The following EPAS1 variants were observed in gnomAD, a reference collection of about 807,000 sequenced individuals.
The protein encoded by EPAS1 is endothelial PAS domain-containing protein 1.
In EPAS1, 23 loss-of-function variants were observed where a neutral mutation model predicts 87.9. The ratio of observed to expected loss-of-function variants is 0.26; its 90% confidence interval spans 0.19 to 0.37. The LOEUF is 0.37. EPAS1 is among the 10% of genes least tolerant of loss of function. The pLI, the probability that EPAS1 is intolerant of heterozygous loss-of-function variation, is 1.00. For missense variants in EPAS1, 1,138 were observed against 1,120.7 expected, an observed-to-expected ratio of 1.02 and a Z score of -0.22; for synonymous variants, 508 against 444.3, an observed-to-expected ratio of 1.14 and a Z score of -1.80.
rs1331028410 is a variant in EPAS1, at chr2:46,346,055, G to T, written c.27-818G>T. 6.6e-6 allele frequency among the ~76,000 whole-genome samples: 1 copy of T among 152,186 alleles called. No individual in the cohort carries two copies. The highest frequency in any genetic ancestry group is 1.5e-5 in the Non-Finnish European group (1 of 68,028). ...TTAGAACTCCAATCTAAACATTCTG[G>T]CTTTTAAATATTGCCCGTGCTAGAA... On this transcript the variant is annotated intron_variant, in intron 1 of 15. Coordinates refer to ENST00000263734, the MANE Select transcript of EPAS1 (RefSeq NM_001430.5). This position sits in a 1 kb window ranked among gnomAD's most constrained non-coding sequence, Gnocchi z 4.0.
At chr2:46,376,225 G>A (rs1177966135) in intron 8 of EPAS1, among the ~76,000 whole-genome samples, 1 of 152,128 alleles carries the variant, frequency 6.6e-6, no homozygotes, top group African/African-American at 2.4e-5. Context: ...GAAAGCTAGA[G>A]GAAGTCATTT....
intron 1 of EPAS1, among the ~76,000 whole-genome samples, chr2:46,306,395 A>G (rs1683109371): frequency 6.6e-6 from 1 of 152,138 alleles, no homozygotes; most frequent in Admixed American, 6.5e-5. Flanking sequence ...CTGAAGTAAA[A>G]CCTAGAAGTG....
chr2:46,352,136 C>A (rs1039105521), intron 2 of EPAS1, among the ~76,000 whole-genome samples: 1 of 152,120 alleles, frequency 6.6e-6, no homozygotes, highest in African/African-American at 2.4e-5. Flanking sequence ...GGGGTCAGAC[C>A]CTGAAGGGTC....
intron 1 of EPAS1, among the ~76,000 whole-genome samples, chr2:46,319,212 G>A (rs149995880): frequency 2.3e-3 from 351 of 152,362 alleles, no homozygotes; most frequent in Non-Finnish European, 4.4e-3. Context: ...AGGCTGCAAT[G>A]ATGACAGCTT....
At chr2:46,341,510 CAT>C (rs1258714083) in intron 1 of EPAS1, among the ~76,000 whole-genome samples, 1 of 152,244 alleles carries the variant, frequency 6.6e-6, no homozygotes, top group African/African-American at 2.4e-5. Flanking sequence ...ATCTATTTCA[CAT>C]GTCTCATTAT....
chr2:46,300,928 C>G lies in EPAS1; in HGVS notation c.26+2991C>G, dbSNP rs765778136. The stretch of plus-strand genomic sequence containing the variant: ...AAATCAAACTCCATCATTATTCCAA[C>G]TCTGAAGGGAAAAAATATTGCTGGA... On this transcript the variant is annotated intron_variant, in intron 1 of 15. Coordinates refer to ENST00000263734, the MANE Select transcript of EPAS1 (RefSeq NM_001430.5). This position sits in a 1 kb window ranked among gnomAD's most constrained non-coding sequence, Gnocchi z 4.1. Among the ~76,000 whole-genome samples the G allele has an allele frequency of 6.6e-6, 1 of 152,182 alleles. No homozygotes were observed.
intron 1 of EPAS1, among the ~76,000 whole-genome samples, chr2:46,306,334 C>T (rs1683108872): frequency 6.6e-6 from 1 of 152,174 alleles, no homozygotes; most frequent in Non-Finnish European, 1.5e-5. Context: ...GCATGCTTTC[C>T]TTCCTTTATA....
chr2:46,319,992 G>C (rs1683422477), intron 1 of EPAS1, among the ~76,000 whole-genome samples: 1 of 152,154 alleles, frequency 6.6e-6, no homozygotes, highest in South Asian at 2.1e-4. Context: ...CAGAATGCGA[G>C]GATTTTTGCC....
chr2:46,384,320 C>G (rs907154662), intron 15 of EPAS1, among the ~76,000 whole-genome samples, 189 bp from the exon 16 acceptor site: 6 of 152,126 alleles, frequency 3.9e-5, no homozygotes, highest in African/African-American at 1.4e-4. Context: ...TCTCAGCACC[C>G]CACCTGAGGC....
At chr2:46,309,937 A>C (rs1247915450) in intron 1 of EPAS1, among the ~76,000 whole-genome samples, 1 of 152,228 alleles carries the variant, frequency 6.6e-6, no homozygotes, top group African/African-American at 2.4e-5. Context: ...GCCTAGCTCT[A>C]GTGTGAGCAT....
In EPAS1 at chr2:46,375,559, C is replaced by T; in HGVS notation, c.887-131C>T. 8.9e-7 allele frequency: 1 copy of T among 1,119,456 alleles called. No individual in the cohort carries two copies. The highest frequency in any genetic ancestry group is 1.3e-6 in the Non-Finnish European group (1 of 761,096). 69.3% of individuals were successfully genotyped at this position (1,119,456 alleles called of 1,614,324 possible). A position where few individuals can be genotyped will look rare whatever the true frequency, so the allele number is the denominator to read the frequency against. On this transcript the variant is annotated intron_variant, in intron 7 of 15. Transcript: ENST00000263734. The surrounding 1 kb of genome is among the most constrained non-coding windows in gnomAD (Gnocchi z 4.1). ...TCCCTCCCAGGTCACTCTCCCTGGT[C>T]CTCACTGTCGTGGCGCCCTGTTCTG...
intron 1 of EPAS1, among the ~76,000 whole-genome samples, chr2:46,314,389 A>G (rs2104844327): frequency 6.6e-6 from 1 of 152,326 alleles, no homozygotes; most frequent in South Asian, 2.1e-4. Context: ...ACCTCCACAG[A>G]TGCCAAAGGG....
Position 46,380,523 on chromosome 2 carries a change from G to T in EPAS1, c.1851G>T (p.Leu617=). The T allele has an allele frequency of 6.2e-7, 1 of 1,614,136 alleles. No individual in the cohort carries two copies. ...TTGATGCCGGAAGCAAAGCATCCCT[G>T]CCACCGTGCTGTGGCCAGGCCAGCA... ...IFFDAGSKAS[L]PPCCGQASTP... is the part of the protein sequence containing the mutation. Residue 617 remains leucine (L), a synonymous_variant, in exon 12 of 16, where the codon CTG becomes CTT. Transcript: ENST00000263734. The surrounding 1 kb of genome is among the most constrained non-coding windows in gnomAD (Gnocchi z 4.4).
chr2:46,298,252 G>T (rs1867787), intron 1 of EPAS1, among the ~76,000 whole-genome samples: 2 of 152,054 alleles, frequency 1.3e-5, no homozygotes, highest in African/African-American at 4.8e-5. Context: ...CCGCCCCGCA[G>T]CAGATTACCG....
chr2:46,332,431 C>T (rs1683703971), intron 1 of EPAS1, among the ~76,000 whole-genome samples: 1 of 151,966 alleles, frequency 6.6e-6, no homozygotes, highest in Non-Finnish European at 1.5e-5. Context: ...GACGGGACCT[C>T]AGTAGCAGAG....
intron 6 of EPAS1, among the ~76,000 whole-genome samples, chr2:46,365,088 A>G (rs1684473504): frequency 1.3e-5 from 2 of 152,230 alleles, no homozygotes; most frequent in South Asian, 4.1e-4. Flanking sequence ...GAAAGAGGTA[A>G]CTGTGAAGGA....
At chr2:46,336,008 C>T (rs1262816646) in intron 1 of EPAS1, 9 of 152,146 alleles carry the variant, frequency 5.9e-5, no homozygotes. Flanking sequence ...GGGAAGGAGC[C>T]TTCCCGATGC....
chr2:46,332,273 GAAA>G (rs10566727), intron 1 of EPAS1, among the ~76,000 whole-genome samples: 2 of 135,712 alleles, frequency 1.5e-5, no homozygotes, highest in African/African-American at 5.6e-5. Context: ...GTGTTTCACA[GAAA>G]AAAAAAAAAA....
Position 46,347,251 on chromosome 2 carries a change from C to G in EPAS1, c.217+188C>G, listed in dbSNP as rs145496849. 3.5e-5 allele frequency: 24 copies of G among 693,620 alleles called. No individual in the cohort carries two copies. In the South Asian group the frequency reaches 4.0e-4, roughly 11 times the overall value. 43.0% of individuals were successfully genotyped at this position (693,620 alleles called of 1,614,324 possible). On this transcript the variant is annotated intron_variant, in intron 2 of 15. Transcript: ENST00000263734. The surrounding 1 kb of genome is among the most constrained non-coding windows in gnomAD (Gnocchi z 4.2). ...TCTCTCTTCCAGCAGTGACCTTTAC[C>G]GTGAATCCAGCTGTGAGAGGAGGGC...
Sources: gnomAD v4.1 joint callset for allele counts (sites outside exome capture counted in the v4.1 genomes callset) on GRCh38, gnomAD v4.1.1 for gene constraint, Gnocchi (gnomAD v3.1) non-coding constraint, MANE v1.5 for transcripts, NCBI Gene and HGNC (gene_info 2026-07-23, HGNC 2026-07-21) for gene names.